The following NUBPL variants were observed in gnomAD, a reference collection of about 807,000 sequenced individuals.
NUBPL encodes the protein NUBP iron-sulfur cluster assembly factor, mitochondrial.
NUBPL carries 31 observed loss-of-function variants against 45.7 expected under a neutral mutation model. The observed-to-expected ratio is 0.68, with a 90% CI of 0.51 to 0.92. The LOEUF is 0.92. NUBPL is among the 40% of genes least tolerant of loss of function. NUBPL has a pLI of 0.00. For missense variants in NUBPL, 401 were observed against 398.7 expected, an observed-to-expected ratio of 1.01 and a Z score of -0.05; for synonymous variants, 144 against 140.9, an observed-to-expected ratio of 1.02 and a Z score of -0.15.
At chr14:31,783,602 C>G (rs1277641316) in intron 6 of NUBPL, among the ~76,000 whole-genome samples, 1 of 149,068 alleles carries the variant, frequency 6.7e-6, no homozygotes, top group Non-Finnish European at 1.5e-5. Flanking sequence ...GCTGCAACCT[C>G]TGCCTGTTGG....
chr14:31,740,254 T>C (rs2038254482), intron 6 of NUBPL, among the ~76,000 whole-genome samples: 1 of 148,182 alleles, frequency 6.7e-6, no homozygotes, highest in South Asian at 2.1e-4. Flanking sequence ...GCTGTACCAA[T>C]TTGCATCCCC....
intron 7 of NUBPL, among the ~76,000 whole-genome samples, chr14:31,813,653 A>G (rs754041679): frequency 1.3e-5 from 2 of 152,102 alleles, no homozygotes; most frequent in African/African-American, 2.4e-5. Context: ...TGTCATCTAC[A>G]TTAGGTATTT....
intron 6 of NUBPL, among the ~76,000 whole-genome samples, chr14:31,675,447 C>T (rs2036671510): frequency 6.6e-6 from 1 of 152,218 alleles, no homozygotes; most frequent in African/African-American, 2.4e-5. Flanking sequence ...GTAAATTTAA[C>T]ATCCTTAATG....
At chr14:31,570,398 T>C (rs2033551004) in intron 3 of NUBPL, among the ~76,000 whole-genome samples, 1 of 152,158 alleles carries the variant, frequency 6.6e-6, no homozygotes, top group Non-Finnish European at 1.5e-5. Context: ...GGAAGACAAA[T>C]GTTTTAAAAT....
At chr14:31,582,975 A>T (rs1257511573) in intron 3 of NUBPL, among the ~76,000 whole-genome samples, 1 of 152,234 alleles carries the variant, frequency 6.6e-6, no homozygotes, top group African/African-American at 2.4e-5. Flanking sequence ...ATGGAACTTG[A>T]GTAGCTAACA....
intron 7 of NUBPL, among the ~76,000 whole-genome samples, chr14:31,793,511 C>T (rs1308545426): frequency 6.6e-6 from 1 of 152,170 alleles, no homozygotes; most frequent in Non-Finnish European, 1.5e-5. Context: ...TTATCTTCTC[C>T]AGCAGACTGT....
At chr14:31,610,950 A>G (rs547194153) in intron 4 of NUBPL, among the ~76,000 whole-genome samples, 1 of 152,314 alleles carries the variant, frequency 6.6e-6, no homozygotes, top group East Asian at 1.9e-4. Context: ...AACAGCATGT[A>G]TGACAGACCC....
At chr14:31,650,521 C>A (rs766949544) in intron 4 of NUBPL, among the ~76,000 whole-genome samples, 1 of 152,110 alleles carries the variant, frequency 6.6e-6, no homozygotes, top group Non-Finnish European at 1.5e-5. Flanking sequence ...AATCTCCTGA[C>A]CTCATGATCC....
At chr14:31,769,042 A>T (rs905755956) in intron 6 of NUBPL, among the ~76,000 whole-genome samples, 17 of 152,210 alleles carry the variant, frequency 1.1e-4, no homozygotes, top group Admixed American at 1.3e-4. Flanking sequence ...GGCAAAAAAG[A>T]GGACAGGGAG....
chr14:31,779,707 C>G (rs1175721879), intron 6 of NUBPL, among the ~76,000 whole-genome samples: 1 of 152,186 alleles, frequency 6.6e-6, no homozygotes, highest in Non-Finnish European at 1.5e-5. Context: ...TCAGTTCAAT[C>G]TACAGATAGA....
chr14:31,831,062 T>C (rs2040182054), intron 8 of NUBPL, among the ~76,000 whole-genome samples: 1 of 152,034 alleles, frequency 6.6e-6, no homozygotes, highest in Non-Finnish European at 1.5e-5. Context: ...ATTTATTTTT[T>C]TGAGACAGTC....
intron 4 of NUBPL, among the ~76,000 whole-genome samples, chr14:31,659,326 A>G (rs947511430): frequency 2.0e-5 from 3 of 152,126 alleles, no homozygotes; most frequent in East Asian, 3.9e-4. Flanking sequence ...TATAGTTTTC[A>G]TCTTAAATAC....
At chr14:31,712,777 G>A (rs2037606327) in intron 6 of NUBPL, among the ~76,000 whole-genome samples, 1 of 152,254 alleles carries the variant, frequency 6.6e-6, no homozygotes, top group Non-Finnish European at 1.5e-5. Context: ...AGTATTGCCA[G>A]GGAAGAAGGC....
chr14:31,567,891 A>C (rs1241466852), intron 3 of NUBPL, among the ~76,000 whole-genome samples: 1 of 152,166 alleles, frequency 6.6e-6, no homozygotes, highest in Non-Finnish European at 1.5e-5. Context: ...CCAACCCTCT[A>C]GGCGATTTTG....
At chr14:31,830,433 A>G (rs1430021256) in intron 8 of NUBPL, among the ~76,000 whole-genome samples, 1 of 152,176 alleles carries the variant, frequency 6.6e-6, no homozygotes, top group African/African-American at 2.4e-5. Context: ...GGATGACTTT[A>G]TGGAAAAGCC....
intron 4 of NUBPL, among the ~76,000 whole-genome samples, chr14:31,602,336 A>G (rs2034460132): frequency 6.6e-6 from 1 of 151,752 alleles, no homozygotes; most frequent in Admixed American, 6.6e-5. Context: ...ACATGTATAC[A>G]TATGTAACTA....
At chr14:31,676,498 T>G (rs2036702468) in intron 6 of NUBPL, among the ~76,000 whole-genome samples, 1 of 152,078 alleles carries the variant, frequency 6.6e-6, no homozygotes, top group Non-Finnish European at 1.5e-5. Flanking sequence ...TCTCCAGTTT[T>G]GGGCTATTGT....
In NUBPL at chr14:31,765,253, T is replaced by C. The variant is rs2138742205; in HGVS notation, c.514-22527T>C. 2.0e-5 allele frequency among the ~76,000 whole-genome samples: 3 copies of C among 152,360 alleles called. 1 individual carries two copies. In the Middle Eastern group the frequency reaches 0.01, roughly 518 times the overall value. On this transcript the variant is annotated intron_variant, in intron 6 of 10. Transcript: ENST00000281081. ...CACTTCGTTTTAATCTTGAGAACTT[T>C]CCCTTTAATTTTCAAAAAGCCATTT...
chr14:31,758,067 C>G (rs1311469986), intron 6 of NUBPL, among the ~76,000 whole-genome samples: 6 of 152,136 alleles, frequency 3.9e-5, no homozygotes, highest in Non-Finnish European at 4.4e-5. Flanking sequence ...TCACTATCAT[C>G]TTATCTTATT....
Sources: allele counts gnomAD v4.1 joint callset (sites outside exome capture counted in the v4.1 genomes callset), GRCh38; gene constraint gnomAD v4.1.1; transcripts MANE v1.5; gene names NCBI Gene and HGNC (gene_info 2026-07-23, HGNC 2026-07-21).